The following SCHIP1 variants were observed in gnomAD, a reference collection of about 807,000 sequenced individuals.
SCHIP1 encodes schwannomin-interacting protein 1.
Under a neutral mutation model 29.7 loss-of-function variants are expected in SCHIP1, and 8 were observed. The ratio of observed to expected loss-of-function variants is 0.27; its 90% CI spans 0.16 to 0.49. SCHIP1 has a LOEUF of 0.49. Ranked by LOEUF, SCHIP1 falls within the 20% of genes least tolerant of loss-of-function variation. The probability of loss-of-function intolerance (pLI) is 0.99; values close to 1 mark genes in which losing one functional copy is unlikely to be tolerated. For missense variants in SCHIP1, 193 were observed against 294.6 expected (o/e 0.66, Z 2.52); for synonymous variants, 76 against 94.9 (o/e 0.80, Z 1.16).
At chr3:159,608,935 G>A in the SCHIP1 span, among the ~76,000 whole-genome samples, 1 of 152,196 alleles carries the variant, frequency 6.6e-6, no homozygotes, top group Admixed American at 6.5e-5. Flanking sequence ...AGCAGTTAAA[G>A]TGGAATCACT....
At chr3:159,788,046 G>T in the SCHIP1 span, among the ~76,000 whole-genome samples, 1 of 152,082 alleles carries the variant, frequency 6.6e-6, no homozygotes, top group Non-Finnish European at 1.5e-5. Context: ...TAATCTTATC[G>T]AGATGACTTT....
At chr3:159,425,728 A>G in the SCHIP1 span, among the ~76,000 whole-genome samples, 1 of 152,204 alleles carries the variant, frequency 6.6e-6, no homozygotes, top group African/African-American at 2.4e-5. Context: ...CCCCATATCA[A>G]TAGAATATAC....
the SCHIP1 span, among the ~76,000 whole-genome samples, chr3:159,782,515 A>C: frequency 6.6e-6 from 1 of 152,236 alleles, no homozygotes; most frequent in Non-Finnish European, 1.5e-5. Flanking sequence ...ATTTTTTCAT[A>C]AATGGAAACT....
the SCHIP1 span, among the ~76,000 whole-genome samples, chr3:159,370,592 T>G: frequency 6.6e-6 from 1 of 152,222 alleles, no homozygotes; most frequent in Non-Finnish European, 1.5e-5. Flanking sequence ...CATTTGAATC[T>G]TTCTGAGTGA....
At chr3:159,795,562 C>A in the SCHIP1 span, among the ~76,000 whole-genome samples, 112 of 152,136 alleles carry the variant, frequency 7.4e-4, 1 homozygote, top group Admixed American at 1.6e-3. Flanking sequence ...ACCTCTGATA[C>A]CCAGACAGGG....
At chr3:159,835,014 A>C (rs1014321256), upstream of SCHIP1, among the ~76,000 whole-genome samples, 1 of 152,096 alleles carries the variant, frequency 6.6e-6, no homozygotes, top group African/African-American at 2.4e-5. Flanking sequence ...CCTGATATCC[A>C]CAGTATTAAT....
At chr3:159,398,058 G>T in the SCHIP1 span, among the ~76,000 whole-genome samples, 2 of 152,172 alleles carry the variant, frequency 1.3e-5, no homozygotes, top group South Asian at 2.1e-4. Flanking sequence ...TTGGAAAAGC[G>T]CAGTATTCAG....
At chr3:159,363,057 T>A in the SCHIP1 span, among the ~76,000 whole-genome samples, 1 of 152,184 alleles carries the variant, frequency 6.6e-6, no homozygotes, top group East Asian at 1.9e-4. Flanking sequence ...CTTCCAAATA[T>A]TCCCAATGGC....
the SCHIP1 span, among the ~76,000 whole-genome samples, chr3:159,371,351 T>C: frequency 1.3e-5 from 2 of 152,250 alleles, no homozygotes; most frequent in African/African-American, 2.4e-5. Flanking sequence ...TTTAATAAGA[T>C]AGATGTTCCA....
the SCHIP1 span, among the ~76,000 whole-genome samples, chr3:159,402,702 G>A: frequency 3.4e-4 from 51 of 152,120 alleles, no homozygotes; most frequent in African/African-American, 1.2e-3. Context: ...AACATTGCAT[G>A]TTCTCACTCA....
At chr3:159,473,609 T>G in the SCHIP1 span, among the ~76,000 whole-genome samples, 1 of 150,602 alleles carries the variant, frequency 6.6e-6, no homozygotes, top group Admixed American at 6.6e-5. Context: ...AAACCTATTT[T>G]TATTGAATTT....
chr3:159,526,932 A>AG, the SCHIP1 span, among the ~76,000 whole-genome samples: 1 of 152,218 alleles, frequency 6.6e-6, no homozygotes, highest in African/African-American at 2.4e-5. Flanking sequence ...TTGTCAGGGC[A>AG]GAAAAGGGAA....
the SCHIP1 span, among the ~76,000 whole-genome samples, chr3:159,657,560 G>C: frequency 2.0e-5 from 3 of 152,204 alleles, no homozygotes; most frequent in African/African-American, 7.2e-5. Flanking sequence ...AAGGCAACCG[G>C]TTTAGATTTT....
At chr3:159,487,282 A>G in the SCHIP1 span, among the ~76,000 whole-genome samples, 1 of 152,080 alleles carries the variant, frequency 6.6e-6, no homozygotes, top group Admixed American at 6.5e-5. Flanking sequence ...TCATTGCTTC[A>G]GTTCGTCTTC....
At chr3:159,867,494 A>G (rs1714743122) in intron 2 of SCHIP1, among the ~76,000 whole-genome samples, 1 of 152,190 alleles carries the variant, frequency 6.6e-6, no homozygotes, top group African/African-American at 2.4e-5. Context: ...ATATACACCT[A>G]TTTGTGAGGC....
chr3:159,625,958 A>C, the SCHIP1 span, among the ~76,000 whole-genome samples: 1 of 151,846 alleles, frequency 6.6e-6, no homozygotes, highest in Non-Finnish European at 1.5e-5. Flanking sequence ...CTGTTAAACC[A>C]ATACTGGGTC....
At chr3:159,537,595 G>A in the SCHIP1 span, among the ~76,000 whole-genome samples, 1 of 152,020 alleles carries the variant, frequency 6.6e-6, no homozygotes, top group South Asian at 2.1e-4. Context: ...CCTTGCCTGA[G>A]AGATCGGTCC....
At chr3:159,886,078 T>C (rs1013274481) in intron 2 of SCHIP1, 129 bp from the exon 4 acceptor site, 14 of 830,478 alleles carry the variant, frequency 1.7e-5, no homozygotes, top group Non-Finnish European at 2.5e-5. Context: ...AGAGTAATAT[T>C]GGTTGCTCAT....
chr3:159,884,343 C>CTGTGTG (rs1248266404), intron 2 of SCHIP1, among the ~76,000 whole-genome samples: 4 of 108,866 alleles, frequency 3.7e-5, no homozygotes, highest in African/African-American at 1.6e-4. Context: ...ATATGTGTGT[C>CTGTGTG]TGTGTCTGTG....
Sources: allele counts gnomAD v4.1 joint callset (sites outside exome capture counted in the v4.1 genomes callset), GRCh38; gene constraint gnomAD v4.1.1; transcripts MANE v1.5; gene names NCBI Gene and HGNC (gene_info 2026-07-23, HGNC 2026-07-21).